The following FAM171A1 variants were observed in gnomAD, a reference collection of about 807,000 sequenced individuals.
FAM171A1 encodes protein FAM171A1.
FAM171A1 carries 23 observed loss-of-function variants against 74.9 expected under a neutral mutation model. The observed-to-expected ratio is 0.31, with a 90% confidence interval of 0.22 to 0.44. The LOEUF (loss-of-function observed/expected upper bound fraction) is 0.44, where lower values mean the gene tolerates loss of function less well. Ranked by LOEUF, FAM171A1 falls within the 20% of genes least tolerant of loss-of-function variation. FAM171A1 has a pLI of 1.00. For synonymous variants in FAM171A1, 527 were observed against 505.7 expected (o/e 1.04, Z -0.57); for missense variants, 1,162 against 1,159.2 (o/e 1.00, Z -0.03).
chr10:15,316,885 C>T (rs1044312974), intron 1 of FAM171A1, among the ~76,000 whole-genome samples: 3 of 152,144 alleles, frequency 2.0e-5, no homozygotes, highest in African/African-American at 7.2e-5. Context: ...TATTCCAAGA[C>T]AGACTCACGC....
At chr10:15,344,514 C>T (rs918904629) in intron 1 of FAM171A1, among the ~76,000 whole-genome samples, 3 of 152,166 alleles carry the variant, frequency 2.0e-5, no homozygotes, top group African/African-American at 7.2e-5. Context: ...CATTGCACTC[C>T]AGCCTAGGTG....
chr10:15,364,949 C>T (rs536750052), intron 1 of FAM171A1, among the ~76,000 whole-genome samples: 64 of 152,162 alleles, frequency 4.2e-4, no homozygotes, highest in Non-Finnish European at 8.4e-4. Context: ...CTAATCTTCC[C>T]ATCTCAAGAT....
chr10:15,266,142 G>C (rs931343215), intron 3 of FAM171A1, among the ~76,000 whole-genome samples: 5 of 152,162 alleles, frequency 3.3e-5, no homozygotes, highest in African/African-American at 9.6e-5. Context: ...CATCCTTTCT[G>C]TTCTTCTACC....
At chr10:15,298,848 G>A (rs1835192725) in intron 1 of FAM171A1, among the ~76,000 whole-genome samples, 2 of 152,164 alleles carry the variant, frequency 1.3e-5, no homozygotes, top group South Asian at 2.1e-4. Flanking sequence ...GTGGTGACCA[G>A]AGGACCCACA....
intron 3 of FAM171A1, among the ~76,000 whole-genome samples, chr10:15,255,708 G>A (rs995062214): frequency 2.0e-5 from 3 of 150,942 alleles, no homozygotes; most frequent in Non-Finnish European, 1.5e-5. Context: ...GGAGTGCAGC[G>A]GTGTGATCTC....
intron 1 of FAM171A1, 126 bp downstream of exon 1, chr10:15,370,830 C>G (rs1390210437): frequency 3.8e-6 from 1 of 263,812 alleles, no homozygotes; most frequent in Admixed American, 6.6e-5. Context: ...CGGAGGCTCC[C>G]GATGCGGCTC....
intron 5 of FAM171A1, among the ~76,000 whole-genome samples, chr10:15,239,798 C>T (rs182332107): frequency 1.2e-3 from 182 of 152,346 alleles, no homozygotes; most frequent in Non-Finnish European, 3.5e-4. Flanking sequence ...ACAAAAGTCT[C>T]GATTCCAGTA....
intron 1 of FAM171A1, among the ~76,000 whole-genome samples, chr10:15,368,997 A>G (rs995081081): frequency 1.3e-5 from 2 of 152,162 alleles, no homozygotes; most frequent in Non-Finnish European, 2.9e-5. Flanking sequence ...ATAACAACAA[A>G]GGAAGTAATC....
At chr10:15,219,954 C>T (rs1174643403) in intron 6 of FAM171A1, among the ~76,000 whole-genome samples, 1 of 152,178 alleles carries the variant, frequency 6.6e-6, no homozygotes, top group Non-Finnish European at 1.5e-5. Flanking sequence ...GTCATTGTAA[C>T]ACATTTTTCC....
At chr10:15,368,264 T>A (rs1836090846) in intron 1 of FAM171A1, among the ~76,000 whole-genome samples, 2 of 152,200 alleles carry the variant, frequency 1.3e-5, no homozygotes, top group Admixed American at 1.3e-4. Flanking sequence ...GCCTCCAATT[T>A]TATCTTGAAT....
chr10:15,291,777 T>G (rs1437510253), intron 1 of FAM171A1, among the ~76,000 whole-genome samples: 1 of 152,120 alleles, frequency 6.6e-6, no homozygotes, highest in African/African-American at 2.4e-5. Context: ...GGAGGCCAGG[T>G]ACGGTGAACG....
upstream of FAM171A1, among the ~76,000 whole-genome samples, chr10:15,371,919 A>T (rs922251077): frequency 6.6e-6 from 1 of 152,192 alleles, no homozygotes; most frequent in African/African-American, 2.4e-5. Context: ...GTTGGGTTCA[A>T]CTCTGAATAC....
intron 1 of FAM171A1, among the ~76,000 whole-genome samples, chr10:15,294,420 C>T (rs908564626): frequency 9.2e-5 from 14 of 152,208 alleles, no homozygotes; most frequent in Non-Finnish European, 1.9e-4. Flanking sequence ...GCTACACACT[C>T]TCATCCATGA....
At chr10:15,265,740 C>T (rs532756843) in intron 3 of FAM171A1, among the ~76,000 whole-genome samples, 2 of 151,806 alleles carry the variant, frequency 1.3e-5, no homozygotes, top group South Asian at 2.1e-4. Context: ...AGGGCACAGA[C>T]CTGGCAGGAC....
chr10:15,371,085 G>C lies in FAM171A1; in HGVS notation c.-33C>G, dbSNP rs1445077476. The stretch of plus-strand genomic sequence containing the variant: ...GCGGGGCCGGCGGCGGCTCGGGCTC[G>C]CCGAGAGCGGGCCGGGCGGCGGCGC... On this transcript the variant is annotated 5_prime_UTR_variant, in exon 1 of 8. Coordinates refer to ENST00000378116, the MANE Select transcript of FAM171A1 (RefSeq NM_001010924.2). 7 of 963,504 alleles carry C rather than the reference G, an allele frequency of 7.3e-6. No individual in the cohort carries two copies. Among genetic ancestry groups the C allele is most frequent in the South Asian group, 4.1e-5 (1 of 24,426 alleles). The allele number at this position is 963,504 out of a possible 1,614,324, so 59.7% of individuals were successfully genotyped here.
At chr10:15,271,953 G>C (rs1490513217) in intron 3 of FAM171A1, among the ~76,000 whole-genome samples, 1 of 152,150 alleles carries the variant, frequency 6.6e-6, no homozygotes, top group Non-Finnish European at 1.5e-5. Context: ...AAAGACCACT[G>C]ATGCTAGGAA....
At chr10:15,243,386 C>T (rs908267855) in intron 5 of FAM171A1, among the ~76,000 whole-genome samples, 16 of 152,136 alleles carry the variant, frequency 1.1e-4, no homozygotes, top group African/African-American at 3.1e-4. Flanking sequence ...AGGTAATATC[C>T]ACAGGGCCTG....
intron 1 of FAM171A1, among the ~76,000 whole-genome samples, chr10:15,305,544 G>A (rs1230332859): frequency 6.6e-6 from 1 of 151,582 alleles, no homozygotes; most frequent in Non-Finnish European, 1.5e-5. Flanking sequence ...GTGCATGCCT[G>A]TAGTCCCAGT....
At chr10:15,274,572 T>C (rs1210860056) in intron 3 of FAM171A1, among the ~76,000 whole-genome samples, 2 of 152,166 alleles carry the variant, frequency 1.3e-5, no homozygotes, top group African/African-American at 4.8e-5. Context: ...GAGCCTGCAT[T>C]GCCAAGACAA....
Sources: gnomAD v4.1 joint callset for allele counts (sites outside exome capture counted in the v4.1 genomes callset) on GRCh38, gnomAD v4.1.1 for gene constraint, MANE v1.5 for transcripts, NCBI Gene and HGNC (gene_info 2026-07-23, HGNC 2026-07-21) for gene names.